TMTC2: variants seen among roughly 807,000 people sequenced by gnomAD.
TMTC2 encodes the protein transmembrane O-mannosyltransferase targeting cadherins 2.
TMTC2 carries 43 observed loss-of-function variants against 82.4 expected under a neutral mutation model. That is an observed-to-expected ratio of 0.52 (90% CI 0.41 to 0.67). The LOEUF (loss-of-function observed/expected upper bound fraction) is 0.67. Among genes scored for constraint, TMTC2 ranks in the 30% least tolerant of loss-of-function variants. The pLI, the probability that TMTC2 is intolerant of heterozygous loss-of-function variation, is 0.00. For synonymous variants in TMTC2, 408 were observed against 381.9 expected (o/e 1.07, Z -0.80); for missense variants, 919 against 1,012.4 (o/e 0.91, Z 1.25).
At chr12:83,013,435 G>T (rs753900275) in intron 8 of TMTC2, among the ~76,000 whole-genome samples, 1 of 151,926 alleles carries the variant, frequency 6.6e-6, no homozygotes, top group East Asian at 1.9e-4. Context: ...AATCCACCTA[G>T]GCTAGCAATA....
intron 2 of TMTC2, among the ~76,000 whole-genome samples, chr12:82,878,807 G>T (rs1425016194): frequency 6.6e-6 from 1 of 152,156 alleles, no homozygotes; most frequent in Non-Finnish European, 1.5e-5. Context: ...GGAGGCTGAA[G>T]GAGGAGGATC....
intron 10 of TMTC2, among the ~76,000 whole-genome samples, chr12:83,053,958 C>A (rs1479899944): frequency 6.6e-6 from 1 of 151,986 alleles, no homozygotes; most frequent in Non-Finnish European, 1.5e-5. Flanking sequence ...TTTTAGAGAA[C>A]CACAGTAGGA....
At chr12:83,010,428 A>T (rs1485986505) in intron 8 of TMTC2, among the ~76,000 whole-genome samples, 1 of 152,220 alleles carries the variant, frequency 6.6e-6, no homozygotes, top group East Asian at 1.9e-4. Context: ...CCTGAGCAGC[A>T]GCCTGCTTCC....
chr12:82,976,075 C>T (rs771232087), intron 7 of TMTC2, among the ~76,000 whole-genome samples: 1 of 152,122 alleles, frequency 6.6e-6, no homozygotes. Flanking sequence ...ACACACACCA[C>T]ACTCACACGT....
At chr12:82,953,800 G>GA (rs1392360755) in intron 4 of TMTC2, among the ~76,000 whole-genome samples, 1 of 149,756 alleles carries the variant, frequency 6.7e-6, no homozygotes, top group South Asian at 2.1e-4. Context: ...AAAACCTTAG[G>GA]AAAAAATGTG....
intron 3 of TMTC2, among the ~76,000 whole-genome samples, chr12:82,920,555 C>A (rs573459841): frequency 3.0e-4 from 45 of 152,174 alleles, no homozygotes; most frequent in African/African-American, 6.3e-4. Context: ...TAAATGGATA[C>A]CTTTTAGAGG....
intron 11 of TMTC2, among the ~76,000 whole-genome samples, chr12:83,093,799 T>C (rs1052446633): frequency 1.3e-5 from 2 of 152,226 alleles, no homozygotes; most frequent in African/African-American, 2.4e-5. Context: ...TAAATACTTA[T>C]TGGGTACCAA....
At chr12:82,818,033 T>A (rs1460106102) in intron 1 of TMTC2, among the ~76,000 whole-genome samples, 1 of 152,146 alleles carries the variant, frequency 6.6e-6, no homozygotes. Flanking sequence ...GATTTTAAGA[T>A]GGGAGTAAAA....
intron 1 of TMTC2, among the ~76,000 whole-genome samples, chr12:82,827,488 A>G (rs1869481336): frequency 6.6e-6 from 1 of 152,164 alleles, no homozygotes; most frequent in African/African-American, 2.4e-5. Flanking sequence ...TAAGTGGGGA[A>G]CATCTCTACA....
At chr12:82,844,583 C>T (rs796599644) in intron 1 of TMTC2, among the ~76,000 whole-genome samples, 33 of 152,022 alleles carry the variant, frequency 2.2e-4, no homozygotes, top group African/African-American at 6.8e-4. Context: ...GAGCAGATCA[C>T]GAAGTCAGGA....
At chr12:82,762,966 T>C (rs181144738) in intron 1 of TMTC2, among the ~76,000 whole-genome samples, 7 of 152,260 alleles carry the variant, frequency 4.6e-5, no homozygotes, top group African/African-American at 1.7e-4. Context: ...ATTTTCATAC[T>C]GCTATGAAGA....
chr12:83,102,039 A>C (rs1007856878), intron 11 of TMTC2, among the ~76,000 whole-genome samples: 1 of 152,240 alleles, frequency 6.6e-6, no homozygotes, highest in Admixed American at 6.5e-5. Context: ...TGCAATGGAC[A>C]GTAATACATG....
chr12:83,028,548 CT>C (rs1881276893), intron 8 of TMTC2, among the ~76,000 whole-genome samples: 1 of 152,066 alleles, frequency 6.6e-6, no homozygotes, highest in African/African-American at 2.4e-5. Flanking sequence ...TGGGCAAGTG[CT>C]TAATGGCACG....
chr12:83,045,026 A>C (rs867646625), intron 9 of TMTC2, among the ~76,000 whole-genome samples: 1 of 152,228 alleles, frequency 6.6e-6, no homozygotes, highest in African/African-American at 2.4e-5. Flanking sequence ...CAAGCTTGTC[A>C]TATTGAAATG....
chr12:82,903,332 G>T (rs1295635043), intron 3 of TMTC2, among the ~76,000 whole-genome samples: 4 of 151,860 alleles, frequency 2.6e-5, no homozygotes, highest in African/African-American at 9.7e-5. Flanking sequence ...CTATAATTAT[G>T]TGTTCATTGT....
chr12:82,952,866 C>G (rs1172978771), intron 4 of TMTC2, among the ~76,000 whole-genome samples: 1 of 152,158 alleles, frequency 6.6e-6, no homozygotes, highest in Non-Finnish European at 1.5e-5. Flanking sequence ...AGCCACCACG[C>G]CCGGCAGCAT....
intron 11 of TMTC2, among the ~76,000 whole-genome samples, chr12:83,062,691 G>A (rs1882787474): frequency 6.6e-6 from 1 of 151,874 alleles, no homozygotes; most frequent in South Asian, 2.1e-4. Context: ...AGAATACAGA[G>A]ATTTTGTATC....
intron 1 of TMTC2, among the ~76,000 whole-genome samples, chr12:82,774,679 C>G (rs1446890677): frequency 6.8e-6 from 1 of 148,006 alleles, no homozygotes; most frequent in Non-Finnish European, 1.5e-5. Context: ...TCCTTTGAGC[C>G]ATCCTCAAGA....
chr12:82,713,376 A>G lies in TMTC2; in HGVS notation c.83+25707A>G, dbSNP rs1472965776. Among the ~76,000 whole-genome samples the G allele has an allele frequency of 2.0e-5, 3 of 152,318 alleles. No homozygotes were observed. The East Asian group carries it at 5.8e-4, about 29-fold the overall frequency. On this transcript the variant is annotated intron_variant, in intron 1 of 11. Coordinates refer to ENST00000321196, the MANE Select transcript of TMTC2 (RefSeq NM_152588.3). Reference sequence around the variant, plus strand: ...AAACCGAGAAAGAGAGAAAGAGTTTATGAATTTGTCATTGTATTAGTCTGT... The same window carrying G: ...AAACCGAGAAAGAGAGAAAGAGTTTGTGAATTTGTCATTGTATTAGTCTGT...
Sources: allele counts gnomAD v4.1 joint callset (sites outside exome capture counted in the v4.1 genomes callset), GRCh38; gene constraint gnomAD v4.1.1; transcripts MANE v1.5; gene names NCBI Gene and HGNC (gene_info 2026-07-23, HGNC 2026-07-21).